COG7: variants seen among roughly 807,000 people sequenced by gnomAD.
COG7 encodes the protein conserved oligomeric Golgi complex subunit 7.
In COG7, 49 loss-of-function variants were observed where a neutral mutation model predicts 91.5. That is an observed-to-expected ratio of 0.54 (90% CI 0.43 to 0.68). The LOEUF is 0.68. Ranked by LOEUF, COG7 falls within the 30% of genes least tolerant of loss-of-function variation. The pLI, the probability that COG7 is intolerant of heterozygous loss-of-function variation, is 0.00. For missense variants in COG7, 895 were observed against 961.3 expected, an observed-to-expected ratio of 0.93 and a Z score of 0.91; for synonymous variants, 365 against 388.7, an observed-to-expected ratio of 0.94 and a Z score of 0.72.
At chr16:23,448,687 ACTCT>A (rs1170939967) in intron 1 of COG7, among the ~76,000 whole-genome samples, 2 of 151,322 alleles carry the variant, frequency 1.3e-5, no homozygotes, top group Non-Finnish European at 2.9e-5. Context: ...TGCATATGTT[ACTCT>A]CTCTCTCTCT....
chr16:23,440,447 G>A (rs1006079910), intron 4 of COG7, among the ~76,000 whole-genome samples: 2 of 149,910 alleles, frequency 1.3e-5, no homozygotes, highest in Non-Finnish European at 3.0e-5. Context: ...AAAAAAATTA[G>A]GAAGTAAATC....
intron 14 of COG7, among the ~76,000 whole-genome samples, chr16:23,393,803 A>T (rs1389192879): frequency 6.6e-6 from 1 of 152,114 alleles, no homozygotes; most frequent in Admixed American, 6.6e-5. Context: ...GCACTTTGGG[A>T]GGCCGAGGCG....
intron 14 of COG7, among the ~76,000 whole-genome samples, chr16:23,395,771 T>G (rs1216588854): frequency 6.6e-6 from 1 of 152,244 alleles, no homozygotes; most frequent in African/African-American, 2.4e-5. Flanking sequence ...TTCTCACATA[T>G]GCAATCAATA....
Position 23,418,691 on chromosome 16 carries a change from C to T in COG7, c.1137+9G>A, listed in dbSNP as rs746762111. The T allele has an allele frequency of 3.2e-5, 51 of 1,612,742 alleles. No individual in the cohort carries two copies. The East Asian group carries it at 5.1e-4, about 16-fold the overall frequency. ...CTTCCTCAGTGGCCCCAGGACACTG[C>T]GACTTTACCAGAGGCACAGCACTCA... On this transcript the variant is annotated intron_variant, in intron 8 of 16. Coordinates refer to ENST00000307149, the MANE Select transcript of COG7 (RefSeq NM_153603.4).
intron 13 of COG7, among the ~76,000 whole-genome samples, chr16:23,402,279 T>C (rs1963390474): frequency 6.6e-6 from 1 of 152,180 alleles, no homozygotes; most frequent in African/African-American, 2.4e-5. Flanking sequence ...GATGTCTGGG[T>C]TGCTGGACAT....
At position 23,398,139 on chromosome 16, in the gene COG7, GA is replaced by G; in HGVS notation, c.1804-11del. 6.2e-7 allele frequency: 1 copy of G among 1,612,300 alleles called. No individual in the cohort carries two copies. The highest frequency in any genetic ancestry group is 1.7e-4 in the Middle Eastern group (1 of 6,052). On this transcript the variant is annotated splice_polypyrimidine_tract_variant and intron_variant, in intron 13 of 16. Coordinates refer to ENST00000307149, the MANE Select transcript of COG7 (RefSeq NM_153603.4). ...CAGCCGTATTCCAGCTCTAAGGGTG[GA>G]ACGAGAGGACACAATCAGTACCTAG... is the stretch of plus-strand genomic sequence containing the variant.
At position 23,445,986 on chromosome 16, in the gene COG7, AC is replaced by A. The variant is rs562384059; in HGVS notation, c.170-26del. Reference sequence around the variant, plus strand: ...TCTGTAGTTAAAAAAAAAAAAAAAAACAACAACAACAGCGATAGCCACAAAA... The same window carrying A: ...TCTGTAGTTAAAAAAAAAAAAAAAAAAACAACAACAGCGATAGCCACAAAA... On this transcript the variant is annotated intron_variant, in intron 1 of 16. Coordinates refer to ENST00000307149, the MANE Select transcript of COG7 (RefSeq NM_153603.4). The A allele has an allele frequency of 1.2e-3, 1,886 of 1,521,394 alleles. 22 individuals are homozygous for A. In the African/African-American group the frequency reaches 0.022, roughly 18 times the overall value. 94.2% of individuals were successfully genotyped at this position (1,521,394 alleles called of 1,614,324 possible).
intron 11 of COG7, among the ~76,000 whole-genome samples, chr16:23,408,540 C>T (rs30013): frequency 1 from 151,380 of 151,690 alleles, 75,544 homozygotes; most frequent in Middle Eastern, 1. Context: ...TTCTTTGTTT[C>T]CCGTCATTTC....
Position 23,434,722 on chromosome 16 carries a change from A to G in COG7, c.605-4T>C. On this transcript the variant is annotated splice_polypyrimidine_tract_variant and splice_region_variant and intron_variant, in intron 4 of 16. Transcript: ENST00000307149. ...TTCACAAACACTTTGGACTGATCTA[A>G]AGAACATACAATGTATATATACTGT... 6 of 1,601,284 alleles carry G rather than the reference A, an allele frequency of 3.7e-6. No homozygotes were observed. The highest frequency in any genetic ancestry group is 5.1e-6 in the Non-Finnish European group (6 of 1,168,308).
intron 10 of COG7, among the ~76,000 whole-genome samples, chr16:23,411,802 G>A (rs937267328): frequency 2.0e-5 from 3 of 152,220 alleles, no homozygotes; most frequent in African/African-American, 4.8e-5. Context: ...TGGGTGAAGT[G>A]CGCCAAGTGA....
At chr16:23,407,265 G>A (rs1963477375) in intron 11 of COG7, among the ~76,000 whole-genome samples, 1 of 152,184 alleles carries the variant, frequency 6.6e-6, no homozygotes, top group Non-Finnish European at 1.5e-5. Flanking sequence ...TCTTCCTGTT[G>A]CTTGAGCCAA....
chr16:23,395,171 T>TA (rs1963266725), intron 14 of COG7, among the ~76,000 whole-genome samples: 1 of 152,198 alleles, frequency 6.6e-6, no homozygotes, highest in African/African-American at 2.4e-5. Flanking sequence ...TTCATGTACT[T>TA]AGTATAATCT....
At chr16:23,400,305 G>A (rs1345296379) in intron 13 of COG7, among the ~76,000 whole-genome samples, 1 of 152,196 alleles carries the variant, frequency 6.6e-6, no homozygotes, top group Non-Finnish European at 1.5e-5. Flanking sequence ...CAGAGATGAT[G>A]AGAATCCCCT....
chr16:23,426,371 G>A (rs2042262138), intron 6 of COG7, among the ~76,000 whole-genome samples: 1 of 152,066 alleles, frequency 6.6e-6, no homozygotes, highest in Non-Finnish European at 1.5e-5. Context: ...CCAGGAATGT[G>A]AGAATGGTTA....
chr16:23,441,953 G>A (rs1338902529), intron 4 of COG7: 3 of 155,288 alleles, frequency 1.9e-5, no homozygotes, highest in Non-Finnish European at 4.3e-5. Flanking sequence ...ATAGATGGCA[G>A]AAGACAATGA....
intron 2 of COG7, 71 bp downstream of exon 2, chr16:23,445,742 C>T (rs1278399534): frequency 1.3e-6 from 2 of 1,506,862 alleles, no homozygotes; most frequent in Non-Finnish European, 1.8e-6. Context: ...TTCTAAAGCC[C>T]TTACGAGAGT....
intron 1 of COG7, 31 bp downstream of exon 1, chr16:23,452,795 G>A (rs760907011): frequency 1.3e-6 from 2 of 1,595,522 alleles, no homozygotes; most frequent in South Asian, 1.1e-5. Context: ...AGCAGGGGAG[G>A]GTCCCGCGGC....
At position 23,418,827 on chromosome 16, in the gene COG7, T is replaced by C; in HGVS notation, c.1010A>G (p.His337Arg). 1 of 1,613,534 alleles carries C rather than the reference T, an allele frequency of 6.2e-7. No individual in the cohort carries two copies. Among genetic ancestry groups the C allele is most frequent in the South Asian group, 1.1e-5 (1 of 91,076 alleles). ...GLEMALLPHL[H>R]EHNLVKVTEL... ...CGTGACTTTTACCAGATTGTGTTCA[T>C]CTTTAGGGAATCAGAAATGTAAAAC... is the stretch of plus-strand genomic sequence containing the variant. Residue 337 changes from histidine (H) to arginine (R), a missense_variant and splice_region_variant, in exon 8 of 17, where the codon CAT (histidine) becomes CGT (arginine). By Grantham distance (29) the His-to-Arg change is conservative (BLOSUM62 0). Transcript: ENST00000307149.
rs114271916 is a variant in COG7, at chr16:23,445,126, T to G, written c.357A>C (p.Gln119His). ...VEIDQVKSRM[Q>H]LAAESLQEAD... The stretch of plus-strand genomic sequence containing the variant: ...CTTCCTGAAGAGATTCGGCAGCAAG[T>G]TGCATTCTGGACTTCACTTGGTCAA... The change falls in exon 3 of 17, where the codon CAA becomes CAC. Residue 119 changes from glutamine (Q) to histidine (H), a missense_variant. Physicochemically the swap from Gln to His is conservative, Grantham distance 24. Transcript: ENST00000307149. The G allele has an allele frequency of 6.2e-7, 1 of 1,614,108 alleles. No individual in the cohort carries two copies. The highest frequency in any genetic ancestry group is 1.7e-5 in the Admixed American group (1 of 59,990).
Sources: allele counts gnomAD v4.1 joint callset (sites outside exome capture counted in the v4.1 genomes callset), GRCh38; gene constraint gnomAD v4.1.1; transcripts MANE v1.5; gene names NCBI Gene and HGNC (gene_info 2026-07-23, HGNC 2026-07-21).